ADA2: variants seen among roughly 807,000 people sequenced by gnomAD.
The protein encoded by ADA2 is adenosine deaminase 2, also known as adenosine deaminase CECR1.
A neutral mutation model predicts 44.2 loss-of-function variants in ADA2; 29 were observed. That is an observed-to-expected ratio of 0.66 (90% CI 0.49 to 0.89). ADA2 has a LOEUF of 0.89. Among genes scored for constraint, ADA2 ranks in the 40% least tolerant of loss-of-function variants. ADA2 has a pLI of 0.00. For synonymous variants in ADA2, 215 were observed against 234.9 expected (o/e 0.92, Z 0.77); for missense variants, 637 against 644.8 (o/e 0.99, Z 0.13).
At position 17,189,990 on chromosome 22, in the gene ADA2, G is replaced by A. The variant is rs775689190; in HGVS notation, c.924C>T (p.Ala308=). The A allele has an allele frequency of 6.2e-7, 1 of 1,614,070 alleles. No individual in the cohort carries two copies. Among genetic ancestry groups the A allele is most frequent in the Non-Finnish European group, 8.5e-7 (1 of 1,179,932 alleles). The change falls in exon 6 of 10, where the codon GCC becomes GCT. Residue 308 remains alanine, a synonymous_variant. Coordinates refer to ENST00000399837, the MANE Select transcript of ADA2 (RefSeq NM_001282225.2). ...VAVIAESIRM[A]MGLRIKFPTV... ...TGGGGAACTTGATTCGGAGCCCCAT[G>A]GCCATTCGGATGGATTCTGCGATGA...
intron 4 of ADA2, among the ~76,000 whole-genome samples, chr22:17,197,559 C>T (rs144180974): frequency 2.6e-5 from 4 of 152,348 alleles, no homozygotes; most frequent in African/African-American, 9.6e-5. Flanking sequence ...GCATGAGCCA[C>T]TGCACCTGGC....
intron 4 of ADA2, chr22:17,199,429 C>CCTCTATCCTCTTCCCCTCCCACCCCTA: frequency 9.9e-7 from 1 of 1,006,826 alleles, no homozygotes; most frequent in Non-Finnish European, 1.6e-6. Context: ...TCCCTCCCCT[C>CCTCTATCCTCTTCCCCTCCCACCCCTA]CTCTATCCTC....
intron 4 of ADA2, among the ~76,000 whole-genome samples, chr22:17,195,533 A>AAAAAAC (rs1568978101): frequency 6.6e-6 from 1 of 151,638 alleles, no homozygotes; most frequent in African/African-American, 2.4e-5. Context: ...CGTCTCAAAA[A>AAAAAAC]AAAACAAAAC....
upstream of ADA2, among the ~76,000 whole-genome samples, chr22:17,221,239 C>T (rs2062520767): frequency 6.6e-6 from 1 of 152,112 alleles, no homozygotes; most frequent in South Asian, 2.1e-4. Context: ...ATTCCAGCGC[C>T]GCACAAAGGG....
intron 5 of ADA2, 133 bp downstream of exon 5, chr22:17,191,550 A>G: frequency 2.0e-6 from 2 of 1,000,814 alleles, no homozygotes; most frequent in Non-Finnish European, 3.0e-6. Flanking sequence ...CAGGCACAGC[A>G]CAGCTCCTTG....
At chr22:17,190,160 A>AC (rs1383438155) in intron 5 of ADA2, 128 bp from the exon 6 acceptor site, 3 of 694,262 alleles carry the variant, frequency 4.3e-6, no homozygotes, top group South Asian at 3.4e-5. Flanking sequence ...AACCTGAGGC[A>AC]CCCCTGCCCT....
At chr22:17,181,670 T>C in intron 9 of ADA2, 94 bp from the exon 10 acceptor site, 1 of 1,093,996 alleles carries the variant, frequency 9.1e-7, no homozygotes. Flanking sequence ...TGCAGAGCAC[T>C]CTCCCCAGGC....
At chr22:17,204,036 C>T (rs1287220853) in intron 3 of ADA2, among the ~76,000 whole-genome samples, 1 of 152,058 alleles carries the variant, frequency 6.6e-6, no homozygotes. Context: ...ACCAGTCAGT[C>T]TCTCCTGGCT....
At chr22:17,199,307 G>C (rs1380575067) in intron 4 of ADA2, among the ~76,000 whole-genome samples, 1 of 150,244 alleles carries the variant, frequency 6.7e-6, no homozygotes, top group East Asian at 2.0e-4. Flanking sequence ...AGATGGAACA[G>C]GAAGCCAGTG....
chr22:17,202,922 A>C (rs1338558972), intron 4 of ADA2, among the ~76,000 whole-genome samples: 2 of 151,892 alleles, frequency 1.3e-5, no homozygotes, highest in African/African-American at 4.8e-5. Context: ...AGCTGGGACT[A>C]CAGGCTCATG....
rs1601438488 is a variant in ADA2 at position 17,193,224 on chromosome 22, C to G, written c.754-1414G>C. 9.8e-6 allele frequency: 11 copies of G among 1,123,008 alleles called. No homozygotes were observed. In the East Asian group the frequency reaches 2.5e-4, roughly 25 times the overall value. The allele number at this position is 1,123,008 out of a possible 1,614,324, so 69.6% of individuals were successfully genotyped here. ...TCGCTCACAACGTTTCCTCTAAGAA[C>G]CACGAAGCCATCGTGGAAAGAGCTG... On this transcript the variant is annotated intron_variant, in intron 4 of 9. Coordinates refer to ENST00000399837, the MANE Select transcript of ADA2 (RefSeq NM_001282225.2).
intron 4 of ADA2, chr22:17,199,414 T>TCCC: frequency 1.1e-6 from 1 of 895,000 alleles, no homozygotes; most frequent in Non-Finnish European, 1.9e-6. Context: ...TGTCTCAGCG[T>TCCC]CTCCTCCCTC....
rs1454416381 is a variant in ADA2 at position 17,180,782 on chromosome 22, G to C, written c.*701C>G. 6.6e-6 allele frequency: 1 copy of C among 152,208 alleles called. No individual in the cohort carries two copies. The allele number at this position is 152,208 out of a possible 1,614,324, so 9.4% of individuals were successfully genotyped here. On this transcript the variant is annotated 3_prime_UTR_variant, in exon 10 of 10. Coordinates refer to ENST00000399837, the MANE Select transcript of ADA2 (RefSeq NM_001282225.2). ...AATGGTATGAAAAAGCAAAGGAATG[G>C]ATGAGACCACCCAGGAAAAGTGTAC...
intron 4 of ADA2, among the ~76,000 whole-genome samples, chr22:17,196,919 T>TCC (rs2062198304): frequency 6.6e-6 from 1 of 152,190 alleles, no homozygotes; most frequent in South Asian, 2.1e-4. Context: ...ATGCCTGTAA[T>TCC]CCCAGCACTT....
intron 4 of ADA2, among the ~76,000 whole-genome samples, chr22:17,192,161 C>T (rs1429071621): frequency 6.6e-6 from 1 of 152,128 alleles, no homozygotes; most frequent in African/African-American, 2.4e-5. Flanking sequence ...CCTCTACGGC[C>T]TTGGGCATTG....
At chr22:17,206,422 G>A (rs2062354475) in intron 3 of ADA2, among the ~76,000 whole-genome samples, 1 of 102,682 alleles carries the variant, frequency 9.7e-6, no homozygotes, top group African/African-American at 3.5e-5. Context: ...AGGCTGCTGT[G>A]AGCCAAGATC....
chr22:17,202,773 C>CTTTCTT (rs534249476), intron 4 of ADA2, among the ~76,000 whole-genome samples: 199 of 132,710 alleles, frequency 1.5e-3, no homozygotes, highest in East Asian at 3.0e-3. Flanking sequence ...TCCTTTCTTT[C>CTTTCTT]TTTTTTTTTT....
chr22:17,209,766 G>T (rs2062398452), intron 1 of ADA2, 43 bp from the exon 2 acceptor site: 6 of 985,426 alleles, frequency 6.1e-6, no homozygotes, highest in Middle Eastern at 3.2e-4. Flanking sequence ...AGATTTAAGG[G>T]TGGAACTCTG....
chr22:17,187,667 A>T lies in ADA2; in HGVS notation c.1081+672T>A, dbSNP rs1381019270. 4.1e-3 allele frequency among the ~76,000 whole-genome samples: 528 copies of T among 127,544 alleles called. 5 individuals carry two copies. Among genetic ancestry groups the T allele is most frequent in the Non-Finnish European group, 7.4e-3 (432 of 58,038 alleles). 83.7% of individuals were successfully genotyped at this position (127,544 alleles called of 152,430 possible). A position where few individuals can be genotyped will look rare whatever the true frequency, so the allele number is the denominator to read the frequency against. On this transcript the variant is annotated intron_variant, in intron 7 of 9. Transcript: ENST00000399837. ...ATTATGCCCCTACCACGAAAAATTA[A>T]AAAAAAAAAAAAAAAGAAGAAGAAG... is the stretch of plus-strand genomic sequence containing the variant.
Sources: gnomAD v4.1 joint callset for allele counts (sites outside exome capture counted in the v4.1 genomes callset) on GRCh38, gnomAD v4.1.1 for gene constraint, MANE v1.5 for transcripts, NCBI Gene and HGNC (gene_info 2026-07-23, HGNC 2026-07-21) for gene names.